PCDHA7: variants seen among roughly 807,000 people sequenced by gnomAD.
PCDHA7 encodes the protein protocadherin alpha-7.
In PCDHA7, 37 loss-of-function variants were observed where a neutral mutation model predicts 57.2. The ratio of observed to expected loss-of-function variants is 0.65; its 90% CI spans 0.50 to 0.85. PCDHA7 has a LOEUF of 0.85. PCDHA7 is among the 40% of genes least tolerant of loss of function. The probability of loss-of-function intolerance (pLI) is 0.00; values close to 1 mark genes in which losing one functional copy is unlikely to be tolerated. For synonymous variants in PCDHA7, 553 were observed against 558.8 expected, an observed-to-expected ratio of 0.99 and a Z score of 0.15; for missense variants, 1,188 against 1,241.8, an observed-to-expected ratio of 0.96 and a Z score of 0.65.
intron 1 of PCDHA7, among the ~76,000 whole-genome samples, chr5:140,970,092 A>C (rs1554232243): frequency 6.6e-6 from 1 of 151,978 alleles, no homozygotes; most frequent in East Asian, 1.9e-4. Context: ...GTGTGGGGGG[A>C]TGGTGAAGAC....
At chr5:140,863,208 C>A in intron 1 of PCDHA7, 2 of 990,672 alleles carry the variant, frequency 2.0e-6, no homozygotes, top group Non-Finnish European at 3.1e-6. Flanking sequence ...TGGCGGAGAG[C>A]AGCCAAGCGA....
rs184768008 is a variant in PCDHA7 at position 140,933,949 on chromosome 5, G to C, written c.2356-45000G>C. ...GTTGTGACTTTTTTTCACATCTGCA[G>C]GATCTGTAGTGATGTTTCCCTTTTC... On this transcript the variant is annotated intron_variant, in intron 1 of 3. Coordinates refer to ENST00000525929, the MANE Select transcript of PCDHA7 (RefSeq NM_018910.3). Among the ~76,000 whole-genome samples the C allele has an allele frequency of 8.5e-4, 129 of 151,910 alleles. 1 individual carries two copies. The highest frequency in any genetic ancestry group is 3.0e-3 in the African/African-American group (123 of 41,458).
At chr5:140,948,860 T>C (rs2094315023) in intron 1 of PCDHA7, among the ~76,000 whole-genome samples, 2 of 151,640 alleles carry the variant, frequency 1.3e-5, no homozygotes, top group Non-Finnish European at 3.0e-5. Flanking sequence ...CTTCTTATAT[T>C]ACTTCGGGTT....
At chr5:140,939,629 A>G (rs1250529725) in intron 1 of PCDHA7, among the ~76,000 whole-genome samples, 5 of 152,248 alleles carry the variant, frequency 3.3e-5, no homozygotes, top group African/African-American at 1.2e-4. Context: ...AAGAAAATCA[A>G]TAAGGGTACT....
chr5:140,846,187 T>C (rs1336642667), intron 1 of PCDHA7, among the ~76,000 whole-genome samples: 1 of 149,366 alleles, frequency 6.7e-6, no homozygotes, highest in Non-Finnish European at 1.5e-5. Flanking sequence ...GGCGTTTGAG[T>C]TCTTTGTATG....
At chr5:140,864,048 T>G (rs1053633631) in intron 1 of PCDHA7, 9 of 152,932 alleles carry the variant, frequency 5.9e-5, no homozygotes, top group African/African-American at 2.2e-4. Flanking sequence ...CACTTTTTAC[T>G]ACAGTCACCA....
chr5:140,978,457 C>G (rs1223652568), intron 1 of PCDHA7, among the ~76,000 whole-genome samples: 1 of 152,182 alleles, frequency 6.6e-6, no homozygotes, highest in Non-Finnish European at 1.5e-5. Context: ...GCACATCCGC[C>G]CTGGGTCAAA....
Position 140,847,480 on chromosome 5 carries a change from A to T in PCDHA7, c.2355+10742A>T, listed in dbSNP as rs956174108. Reference sequence around the variant, plus strand: ...ATTAATCGACTTGGACGTTGGAATAAGATAGTAAAACTCACAACAAAACTT... The same window carrying T: ...ATTAATCGACTTGGACGTTGGAATATGATAGTAAAACTCACAACAAAACTT... On this transcript the variant is annotated intron_variant, in intron 1 of 3. Transcript: ENST00000525929. 2 of 149,954 alleles carry T rather than the reference A, an allele frequency of 1.3e-5. 1 individual carries two copies. The highest frequency in any genetic ancestry group is 3.0e-5 in the Non-Finnish European group (2 of 67,004). The allele number at this position is 149,954 out of a possible 1,614,324, so 9.3% of individuals were successfully genotyped here.
At chr5:140,921,998 A>G (rs1247902071) in intron 1 of PCDHA7, among the ~76,000 whole-genome samples, 3 of 152,206 alleles carry the variant, frequency 2.0e-5, no homozygotes, top group African/African-American at 7.2e-5. Flanking sequence ...AGTTCAATGA[A>G]ATGATTAGTT....
intron 1 of PCDHA7, among the ~76,000 whole-genome samples, chr5:140,952,166 G>A (rs2094699360): frequency 6.6e-6 from 1 of 152,072 alleles, no homozygotes; most frequent in African/African-American, 2.4e-5. Flanking sequence ...GTGGGGTTCA[G>A]TTCCTGCAGC....
At chr5:140,841,614 G>T in intron 1 of PCDHA7, 2 of 1,614,122 alleles carry the variant, frequency 1.2e-6, no homozygotes, top group South Asian at 1.1e-5. Context: ...CTGTGCGGGC[G>T]GAGCGCGGAG....
At chr5:140,992,999 C>G (rs1254110475) in intron 3 of PCDHA7, among the ~76,000 whole-genome samples, 4 of 152,188 alleles carry the variant, frequency 2.6e-5, no homozygotes, top group African/African-American at 9.7e-5. Flanking sequence ...CATGAAAGAG[C>G]CTCCCCAGAG....
chr5:140,872,241 C>T (rs187831325), intron 1 of PCDHA7, among the ~76,000 whole-genome samples: 8 of 151,642 alleles, frequency 5.3e-5, no homozygotes, highest in Admixed American at 5.3e-4. Context: ...TGTCTTTATT[C>T]CTGTGATAAT....
chr5:140,968,176 G>A, intron 1 of PCDHA7: 1 of 1,614,062 alleles, frequency 6.2e-7, no homozygotes, highest in Non-Finnish European at 8.5e-7. Flanking sequence ...CAAGCTTCCT[G>A]GAGGACTCCT....
chr5:140,837,118 A>G (rs1774921021), intron 1 of PCDHA7: 2 of 157,076 alleles, frequency 1.3e-5, no homozygotes, highest in Non-Finnish European at 2.8e-5. Flanking sequence ...TATGTTACCT[A>G]ATATTTTATT....
intron 1 of PCDHA7, chr5:140,967,445 C>T (rs782571799): frequency 3.1e-6 from 5 of 1,613,550 alleles, no homozygotes; most frequent in Non-Finnish European, 4.2e-6. Flanking sequence ...CCACCTGGTT[C>T]TCACAGCCGT....
intron 3 of PCDHA7, among the ~76,000 whole-genome samples, chr5:140,994,883 A>T (rs1197020328): frequency 6.6e-6 from 1 of 152,222 alleles, no homozygotes; most frequent in Non-Finnish European, 1.5e-5. Flanking sequence ...AAGAGATGTT[A>T]GGAAATGAGA....
At chr5:140,843,104 C>G (rs1327692669) in intron 1 of PCDHA7, 6 of 1,595,598 alleles carry the variant, frequency 3.8e-6, no homozygotes, top group Non-Finnish European at 4.3e-6. Context: ...AGCGAAGGTG[C>G]GCGCAGTGGA....
chr5:141,004,014 A>T (rs1294633411), intron 3 of PCDHA7, among the ~76,000 whole-genome samples: 40 of 152,222 alleles, frequency 2.6e-4, no homozygotes, highest in African/African-American at 9.4e-4. Context: ...GGCAGCACTG[A>T]AAGAAGAAAC....
Sources: gnomAD v4.1 joint callset for allele counts (sites outside exome capture counted in the v4.1 genomes callset) on GRCh38, gnomAD v4.1.1 for gene constraint, MANE v1.5 for transcripts, NCBI Gene and HGNC (gene_info 2026-07-23, HGNC 2026-07-21) for gene names.